Variants in FCHSD2 observed in about 807,000 individuals in gnomAD.
The protein encoded by FCHSD2 is FCH and double SH3 domains 2, also known as F-BAR and double SH3 domains protein 2.
A neutral mutation model predicts 108.1 loss-of-function variants in FCHSD2; 38 were observed. The observed-to-expected ratio is 0.35, with a 90% CI of 0.27 to 0.46. The LOEUF is 0.46. Ranked by LOEUF, FCHSD2 falls within the 20% of genes least tolerant of loss-of-function variation. FCHSD2 has a pLI of 1.00. For missense variants in FCHSD2, 751 were observed against 897.8 expected, an observed-to-expected ratio of 0.84 and a Z score of 2.09; for synonymous variants, 279 against 314.7, an observed-to-expected ratio of 0.89 and a Z score of 1.20.
At chr11:72,845,193 G>T (rs539175784) in intron 14 of FCHSD2, among the ~76,000 whole-genome samples, 49 of 152,166 alleles carry the variant, frequency 3.2e-4, no homozygotes, top group African/African-American at 1.1e-3. Flanking sequence ...GGCCAAGGTG[G>T]GTGGATCACT....
intron 5 of FCHSD2, among the ~76,000 whole-genome samples, chr11:72,992,390 T>C (rs1857433872): frequency 6.6e-6 from 1 of 152,150 alleles, no homozygotes; most frequent in Non-Finnish European, 1.5e-5. Flanking sequence ...AATGACTTTC[T>C]TCACAGAATT....
intron 14 of FCHSD2, among the ~76,000 whole-genome samples, chr11:72,848,710 G>A (rs546178343): frequency 1.0e-3 from 154 of 152,286 alleles, no homozygotes; most frequent in Non-Finnish European, 1.9e-3. Context: ...TATGCCAACA[G>A]AGGGAATGTT....
chr11:72,904,704 A>G (rs117733068), intron 9 of FCHSD2, among the ~76,000 whole-genome samples: 2,310 of 152,308 alleles, frequency 0.015, 33 homozygotes, highest in Middle Eastern at 0.037. Flanking sequence ...TTTTTTACAA[A>G]AAAGTTTTTC....
At chr11:73,137,727 G>C (rs1416237733) in intron 2 of FCHSD2, among the ~76,000 whole-genome samples, 1 of 152,148 alleles carries the variant, frequency 6.6e-6, no homozygotes, top group African/African-American at 2.4e-5. Flanking sequence ...GTACCAACAG[G>C]CAAAGACAAC....
At chr11:73,098,597 AG>A (rs1354092648) in intron 2 of FCHSD2, among the ~76,000 whole-genome samples, 2 of 152,108 alleles carry the variant, frequency 1.3e-5, no homozygotes, top group South Asian at 4.1e-4. Context: ...TAGAATTGAT[AG>A]TCCAGGAAAA....
chr11:72,999,112 A>C (rs1407148204), intron 5 of FCHSD2, among the ~76,000 whole-genome samples: 1 of 152,178 alleles, frequency 6.6e-6, no homozygotes, highest in African/African-American at 2.4e-5. Context: ...TTCAATTTTC[A>C]GTTATACAAG....
chr11:72,875,280 T>C (rs918475377), intron 12 of FCHSD2, among the ~76,000 whole-genome samples: 1 of 152,198 alleles, frequency 6.6e-6, no homozygotes, highest in Non-Finnish European at 1.5e-5. Flanking sequence ...TTATCATAGG[T>C]ACTAGGAACT....
intron 8 of FCHSD2, among the ~76,000 whole-genome samples, chr11:72,959,408 T>C (rs1004860862): frequency 2.7e-5 from 4 of 150,814 alleles, no homozygotes; most frequent in Non-Finnish European, 4.4e-5. Flanking sequence ...TTTTTTTTTT[T>C]GTATTTTTAG....
chr11:72,852,272 G>A (rs1449059065), intron 13 of FCHSD2, among the ~76,000 whole-genome samples: 2 of 152,140 alleles, frequency 1.3e-5, no homozygotes, highest in African/African-American at 4.8e-5. Flanking sequence ...CACTGCTGGT[G>A]GGAGTATAAA....
chr11:72,893,936 T>C (rs1855369761), intron 10 of FCHSD2, among the ~76,000 whole-genome samples: 2 of 152,230 alleles, frequency 1.3e-5, no homozygotes, highest in African/African-American at 4.8e-5. Context: ...GATATGATTT[T>C]GTTTTATTTT....
intron 10 of FCHSD2, among the ~76,000 whole-genome samples, chr11:72,898,680 T>C (rs578116833): frequency 6.6e-6 from 1 of 152,166 alleles, no homozygotes; most frequent in Admixed American, 6.5e-5. Context: ...CTGGCTCTAA[T>C]GCTTATTAGC....
intron 3 of FCHSD2, among the ~76,000 whole-genome samples, chr11:73,035,631 A>T (rs1012215137): frequency 6.6e-6 from 1 of 152,136 alleles, no homozygotes; most frequent in Non-Finnish European, 1.5e-5. Flanking sequence ...ATAAGTACTT[A>T]CTGAGAATTT....
At chr11:72,844,793 A>G (rs562557852) in intron 14 of FCHSD2, among the ~76,000 whole-genome samples, 1 of 152,324 alleles carries the variant, frequency 6.6e-6, no homozygotes, top group Admixed American at 6.5e-5. Flanking sequence ...AAATAAGGCA[A>G]AAAAGGGGTC....
At chr11:73,068,956 A>G (rs974846384) in intron 3 of FCHSD2, among the ~76,000 whole-genome samples, 2 of 149,854 alleles carry the variant, frequency 1.3e-5, no homozygotes, top group African/African-American at 2.5e-5. Flanking sequence ...TCGAGGCTGC[A>G]GTGAGTCATG....
chr11:72,929,972 T>C (rs1286843261), intron 8 of FCHSD2, among the ~76,000 whole-genome samples: 1 of 152,150 alleles, frequency 6.6e-6, no homozygotes, highest in Non-Finnish European at 1.5e-5. Flanking sequence ...ACTCCAGTTG[T>C]GTAAGAGGGA....
At chr11:72,916,968 CTTTTTTTTTTTTTT>C (rs71062793) in intron 9 of FCHSD2, among the ~76,000 whole-genome samples, 7 of 118,776 alleles carry the variant, frequency 5.9e-5, no homozygotes, top group South Asian at 5.4e-4. Flanking sequence ...GAACTTCATT[CTTTTTTTTTTTTTT>C]TTTTTTTTTT....
chr11:72,950,752 T>C (rs1257156153), intron 8 of FCHSD2, among the ~76,000 whole-genome samples: 1 of 152,248 alleles, frequency 6.6e-6, no homozygotes, highest in Non-Finnish European at 1.5e-5. Context: ...TCCCACATTA[T>C]CATTTGGCTT....
intron 14 of FCHSD2, among the ~76,000 whole-genome samples, chr11:72,847,612 AT>A (rs1861179947): frequency 6.6e-6 from 1 of 151,760 alleles, no homozygotes; most frequent in African/African-American, 2.4e-5. Context: ...AAACTTTTCT[AT>A]ATTATGATTT....
chr11:72,939,416 C>A (rs1856368420), intron 8 of FCHSD2, among the ~76,000 whole-genome samples: 1 of 152,066 alleles, frequency 6.6e-6, no homozygotes, highest in South Asian at 2.1e-4. Context: ...TAAGTTTCAA[C>A]TTCCATGTTC....
Sources: allele counts gnomAD v4.1 joint callset (sites outside exome capture counted in the v4.1 genomes callset), GRCh38; gene constraint gnomAD v4.1.1; transcripts MANE v1.5; gene names NCBI Gene and HGNC (gene_info 2026-07-23, HGNC 2026-07-21).